PCDHGB5: variants seen among roughly 807,000 people sequenced by gnomAD.
The protein encoded by PCDHGB5 is protocadherin gamma subfamily B, 5.
Under a neutral mutation model 62.9 loss-of-function variants are expected in PCDHGB5, and 48 were observed. That is an observed-to-expected ratio of 0.76 (90% CI 0.61 to 0.97). The LOEUF is 0.97. PCDHGB5 is among the 50% of genes least tolerant of loss of function. PCDHGB5 has a pLI of 0.00. For synonymous variants in PCDHGB5, 474 were observed against 511.2 expected (o/e 0.93, Z 0.98); for missense variants, 1,118 against 1,198.6 (o/e 0.93, Z 0.99).
chr5:141,489,354 G>A lies in PCDHGB5; in HGVS notation c.2398-5453G>A, dbSNP rs773010251. On this transcript the variant is annotated intron_variant, in intron 1 of 3. Coordinates refer to ENST00000617380, the MANE Select transcript of PCDHGB5 (RefSeq NM_018925.3). The surrounding 1 kb of genome is among the most constrained non-coding windows in gnomAD (Gnocchi z 4.5). ...AGCTTCGTTACTCAGTGGTGGAGGA[G>A]TCTGAGCCGGGGACGCTGGTGGGGA... The A allele has an allele frequency of 1.2e-5, 19 of 1,612,796 alleles. No homozygotes were observed. Among genetic ancestry groups the A allele is most frequent in the East Asian group, 2.2e-5 (1 of 44,868 alleles).
chr5:141,419,203 C>T (rs201698529), intron 1 of PCDHGB5: 140 of 1,613,988 alleles, frequency 8.7e-5, no homozygotes, highest in Non-Finnish European at 1.2e-4. Flanking sequence ...TCAATGACAA[C>T]GCGCCGGTTT....
intron 1 of PCDHGB5, among the ~76,000 whole-genome samples, chr5:141,451,571 A>G (rs2098719323): frequency 6.6e-6 from 1 of 152,188 alleles, no homozygotes; most frequent in Non-Finnish European, 1.5e-5. Context: ...CAATCTTTTT[A>G]TAAACCTAAT....
chr5:141,475,978 G>C, intron 1 of PCDHGB5: 1 of 1,010,712 alleles, frequency 9.9e-7, no homozygotes, highest in Non-Finnish European at 1.4e-6. Context: ...AGACTGAACA[G>C]CCGGCGAGCA....
chr5:141,438,597 T>C (rs1343540280), intron 1 of PCDHGB5, among the ~76,000 whole-genome samples: 20 of 38,918 alleles, frequency 5.1e-4, no homozygotes, highest in African/African-American at 1.6e-3. Flanking sequence ...CATACATATA[T>C]ATATATATAT....
intron 1 of PCDHGB5, chr5:141,413,290 A>T: frequency 6.2e-7 from 1 of 1,613,924 alleles, no homozygotes; most frequent in Non-Finnish European, 8.5e-7. Context: ...CTCCTACTCA[A>T]TTCCTGAGGA....
chr5:141,404,754 A>G, intron 1 of PCDHGB5: 1 of 1,612,286 alleles, frequency 6.2e-7, no homozygotes, highest in Non-Finnish European at 8.5e-7. Flanking sequence ...TCAGGCCAGA[A>G]TGCTTGGCTC....
In PCDHGB5 at chr5:141,400,227, C is replaced by T; in HGVS notation, c.2100C>T (p.Leu700=). The T allele has an allele frequency of 6.2e-7, 1 of 1,614,052 alleles. No homozygotes were observed. The highest frequency in any genetic ancestry group is 1.6e-4 in the Middle Eastern group (1 of 6,062). Residue 700 remains leucine (L), a synonymous_variant, in exon 1 of 4, where the codon CTC becomes CTT. Coordinates refer to ENST00000617380, the MANE Select transcript of PCDHGB5 (RefSeq NM_018925.3). ...VALALISVLF[L]LAVILAVALR... is the part of the protein sequence containing the mutation. ...TGGCCTTGATCTCAGTGCTCTTCCTCCTGGCCGTGATTCTGGCCGTTGCCT... is the reference window on the plus strand; with the variant it reads ...TGGCCTTGATCTCAGTGCTCTTCCTTCTGGCCGTGATTCTGGCCGTTGCCT...
intron 3 of PCDHGB5, among the ~76,000 whole-genome samples, chr5:141,505,766 C>T (rs1420683619): frequency 2.0e-5 from 3 of 151,768 alleles, no homozygotes; most frequent in African/African-American, 4.8e-5. Context: ...CAGTGTAGCT[C>T]AGGTCCTAGC....
rs1486554010 is a variant in PCDHGB5 at position 141,431,630 on chromosome 5, G to C, written c.2397+31106G>C. Reference sequence around the variant, plus strand: ...GTATGTGGACGACAAGGCGGCCCAAGTTTTCAAACTAGATTGTAATTCAGG... The same window carrying C: ...GTATGTGGACGACAAGGCGGCCCAACTTTTCAAACTAGATTGTAATTCAGG... On this transcript the variant is annotated intron_variant, in intron 1 of 3. Transcript: ENST00000617380. This position sits in a 1 kb window ranked among gnomAD's most constrained non-coding sequence, Gnocchi z 4.8. 6.2e-7 allele frequency: 1 copy of C among 1,614,250 alleles called. No individual in the cohort carries two copies. Among genetic ancestry groups the C allele is most frequent in the East Asian group, 2.2e-5 (1 of 44,882 alleles).
In PCDHGB5 at chr5:141,511,233, T is replaced by C. The variant is rs776405064; in HGVS notation, c.*60T>C. 5.0e-6 allele frequency: 8 copies of C among 1,595,310 alleles called. No homozygotes were observed. Among genetic ancestry groups the C allele is most frequent in the Non-Finnish European group, 6.8e-6 (8 of 1,170,902 alleles). On this transcript the variant is annotated 3_prime_UTR_variant, in exon 4 of 4. Transcript: ENST00000617380. ...CTCCCCAACCAGCCCAGCTTCTCCT[T>C]ACCTGCACCCAGGCCTCAGAGTTTC...
rs186292704 is a variant in PCDHGB5 at position 141,490,783 on chromosome 5, C to T, written c.2398-4024C>T. ...TGTGTATGTCAACCCAGAGGATGGA[C>T]GGATCTTTGCCCAGCGTACCTTTGA... On this transcript the variant is annotated intron_variant, in intron 1 of 3. Transcript: ENST00000617380. The surrounding 1 kb of genome is among the most constrained non-coding windows in gnomAD (Gnocchi z 5.4). The T allele has an allele frequency of 8.1e-6, 13 of 1,614,024 alleles. 1 individual carries two copies. Among genetic ancestry groups the T allele is most frequent in the Middle Eastern group, 3.3e-4 (2 of 6,062 alleles).
At chr5:141,428,220 C>T (rs1228544858) in intron 1 of PCDHGB5, 1 of 1,178,786 alleles carries the variant, frequency 8.5e-7, no homozygotes. Flanking sequence ...ACCTAGTCTT[C>T]GCAGACAGCC....
At chr5:141,414,570 C>T in intron 1 of PCDHGB5, 1 of 1,613,980 alleles carries the variant, frequency 6.2e-7, no homozygotes. Context: ...TTACCTATAT[C>T]CCAGAGAACA....
intron 1 of PCDHGB5, among the ~76,000 whole-genome samples, chr5:141,401,891 T>C (rs1196463391): frequency 6.6e-6 from 1 of 152,200 alleles, no homozygotes; most frequent in Non-Finnish European, 1.5e-5. Context: ...TTTTGTGTTC[T>C]TTTTCCCAAA....
Position 141,477,354 on chromosome 5 carries a change from C to T in PCDHGB5, c.2398-17453C>T, listed in dbSNP as rs1164062950. On this transcript the variant is annotated intron_variant, in intron 1 of 3. Coordinates refer to ENST00000617380, the MANE Select transcript of PCDHGB5 (RefSeq NM_018925.3). This position sits in a 1 kb window ranked among gnomAD's most constrained non-coding sequence, Gnocchi z 4.9. ...AATTACTTCACTTTGAAAACCAGTG[C>T]AGACCTGGATCGGGAGACTGTGCCA... 14 of 1,614,202 alleles carry T rather than the reference C, an allele frequency of 8.7e-6. No homozygotes were observed. The highest frequency in any genetic ancestry group is 1.1e-5 in the Non-Finnish European group (13 of 1,180,036).
chr5:141,414,909 C>G (rs1230113440), intron 1 of PCDHGB5: 4 of 1,614,220 alleles, frequency 2.5e-6, no homozygotes, highest in Non-Finnish European at 3.4e-6. Context: ...GTTCCACAGG[C>G]GTGGAGCTGG....
chr5:141,473,233 C>T (rs116489525), intron 1 of PCDHGB5, among the ~76,000 whole-genome samples: 1,684 of 152,238 alleles, frequency 0.011, 34 homozygotes, highest in African/African-American at 0.039. Flanking sequence ...ATTGGATCCA[C>T]ACAAGTGAAT....
intron 1 of PCDHGB5, chr5:141,415,739 G>GGT (rs2095908308): frequency 2.3e-6 from 1 of 434,538 alleles, no homozygotes; most frequent in East Asian, 5.9e-5. Context: ...TGTTTATTAA[G>GGT]GTTTTTTTTT....
At chr5:141,433,364 T>C (rs1246641841) in intron 1 of PCDHGB5, 1 of 524,614 alleles carries the variant, frequency 1.9e-6, no homozygotes, top group Admixed American at 3.5e-5. Context: ...TCTGCCTATC[T>C]ATCTATCTAT....
Sources: allele counts gnomAD v4.1 joint callset (sites outside exome capture counted in the v4.1 genomes callset), GRCh38; gene constraint gnomAD v4.1.1; non-coding constraint Gnocchi (gnomAD v3.1); transcripts MANE v1.5; gene names NCBI Gene and HGNC (gene_info 2026-07-23, HGNC 2026-07-21).